The following CSRP3 variants were observed in gnomAD, a reference collection of about 807,000 sequenced individuals.
The protein encoded by CSRP3 is cysteine and glycine rich protein 3, also known as cysteine and glycine-rich protein 3.
CSRP3 carries 24 observed loss-of-function variants against 24.3 expected under a neutral mutation model. The observed-to-expected ratio is 0.99, with a 90% CI of 0.71 to 1.39. CSRP3 has a LOEUF of 1.39. Ranked by LOEUF, CSRP3 falls within the 40% of genes most tolerant of loss-of-function variation. The pLI, the probability that CSRP3 is intolerant of heterozygous loss-of-function variation, is 0.00. For synonymous variants in CSRP3, 105 were observed against 94.0 expected (o/e 1.12, Z -0.68); for missense variants, 240 against 249.0 (o/e 0.96, Z 0.24).
intron 1 of CSRP3, chr11:19,196,878 C>T (rs1041557233): frequency 1.3e-5 from 2 of 152,240 alleles, no homozygotes; most frequent in African/African-American, 4.8e-5. Flanking sequence ...GTGACATCAA[C>T]TTGGAAGAGG....
At chr11:19,188,672 A>G (rs1324686720) in intron 2 of CSRP3, among the ~76,000 whole-genome samples, 1 of 146,812 alleles carries the variant, frequency 6.8e-6, no homozygotes, top group Non-Finnish European at 1.5e-5. Context: ...GCGCGTTGGC[A>G]GGGGGTGGGT....
intron 1 of CSRP3, among the ~76,000 whole-genome samples, chr11:19,198,920 T>A (rs1437426229): frequency 6.6e-6 from 1 of 152,232 alleles, no homozygotes; most frequent in Non-Finnish European, 1.5e-5. Flanking sequence ...AATTACTTAA[T>A]ACATAGCAGG....
chr11:19,198,250 C>T (rs141174570), intron 1 of CSRP3, among the ~76,000 whole-genome samples: 1,631 of 152,296 alleles, frequency 0.011, 34 homozygotes, highest in African/African-American at 0.037. Context: ...TTTAACCCCC[C>T]GTTAAGCTGG....
At chr11:19,186,040 G>T (rs962910164) in intron 4 of CSRP3, among the ~76,000 whole-genome samples, 176 bp downstream of exon 4, 27 of 152,172 alleles carry the variant, frequency 1.8e-4, no homozygotes, top group Non-Finnish European at 7.3e-5. Flanking sequence ...AAAGGGCAAT[G>T]CTAGATGACA....
In CSRP3 at chr11:19,182,706, A is replaced by T; in HGVS notation, c.549T>A (p.Phe183Leu). The T allele has an allele frequency of 6.2e-7, 1 of 1,614,188 alleles. No homozygotes were observed. Among genetic ancestry groups the T allele is most frequent in the Non-Finnish European group, 8.5e-7 (1 of 1,180,034 alleles). Residue 183 changes from phenylalanine to leucine, a missense_variant, in exon 6 of 6, where the codon TTT becomes TTA. Coordinates refer to ENST00000265968, the MANE Select transcript of CSRP3 (RefSeq NM_003476.5). ...AKNFGPTGIG[F>L]GGLTQQVEKK... ...TTTCCACTTGTTGTGTAAGGCCTCC[A>T]AACCCAATACCCGTGGGGCCAAAAT...
At chr11:19,186,391 G>A (rs1270152943) in intron 3 of CSRP3, 43 bp from the exon 4 acceptor site, 5 of 1,613,618 alleles carry the variant, frequency 3.1e-6, no homozygotes, top group Non-Finnish European at 4.2e-6. Flanking sequence ...ATTTCCCTTG[G>A]CAAAGAGTAG....
intron 2 of CSRP3, among the ~76,000 whole-genome samples, chr11:19,189,783 T>C (rs764748488): frequency 2.4e-4 from 36 of 152,170 alleles, no homozygotes; most frequent in Non-Finnish European, 4.7e-4. Flanking sequence ...TTTAAATCAG[T>C]AAATAAAATA....
At chr11:19,199,646 T>A (rs142771857) in intron 1 of CSRP3, among the ~76,000 whole-genome samples, 1 of 152,260 alleles carries the variant, frequency 6.6e-6, no homozygotes, top group African/African-American at 2.4e-5. Flanking sequence ...GAAAAATGAG[T>A]TTTGCATAAC....
intron 2 of CSRP3, among the ~76,000 whole-genome samples, chr11:19,189,753 AT>A (rs1432455810): frequency 6.6e-6 from 1 of 152,260 alleles, no homozygotes; most frequent in African/African-American, 2.4e-5. Context: ...GTGTTAAAAA[AT>A]ATCTGTACCA....
Position 19,188,220 on chromosome 11 carries a change from T to C in CSRP3, c.197A>G (p.Tyr66Cys), listed in dbSNP as rs397516854. ...TCCATACCCGATCCCTTTGGGGCCA[T>C]ATCTGCGCCCATAGCACACCTTGCA... is the stretch of plus-strand genomic sequence containing the variant. ...IYCKVCYGRR[Y>C]GPKGIGYGQG... The change falls in exon 3 of 6, where the codon TAT becomes TGT. Residue 66 changes from tyrosine to cysteine, a missense_variant. Transcript: ENST00000265968. The C allele has an allele frequency of 3.1e-6, 5 of 1,613,686 alleles. No homozygotes were observed. Among genetic ancestry groups the C allele is most frequent in the Middle Eastern group, 3.5e-4 (2 of 5,668 alleles).
At chr11:19,184,823 A>T (rs1368377316) in intron 5 of CSRP3, 129 bp downstream of exon 5, 1 of 770,356 alleles carries the variant, frequency 1.3e-6, no homozygotes, top group African/African-American at 1.7e-5. Context: ...TGAGAACCCA[A>T]CGCTGCCCAG....
At position 19,191,481 on chromosome 11, in the gene CSRP3, T is replaced by C. The variant is rs918598693; in HGVS notation, c.112+856A>G. Among the ~76,000 whole-genome samples, 5 of 152,228 alleles carry C rather than the reference T, an allele frequency of 3.3e-5. No homozygotes were observed. In the South Asian group the frequency reaches 6.2e-4, roughly 19 times the overall value. ...CCTGGACAGAAGCAGAGAAGATAAG[T>C]GGCCATTTTAAAACCAAGGCCAATT... On this transcript the variant is annotated intron_variant, in intron 2 of 5. Coordinates refer to ENST00000265968, the MANE Select transcript of CSRP3 (RefSeq NM_003476.5).
chr11:19,192,024 T>C (rs1850623936), intron 2 of CSRP3, among the ~76,000 whole-genome samples: 1 of 152,150 alleles, frequency 6.6e-6, no homozygotes, highest in African/African-American at 2.4e-5. Context: ...TCACATGTTG[T>C]CAATGTCGCC....
intron 2 of CSRP3, 69 bp downstream of exon 2, chr11:19,192,268 G>T: frequency 1.9e-6 from 2 of 1,036,856 alleles, no homozygotes; most frequent in East Asian, 2.4e-5. Context: ...TACAGTGTTT[G>T]TGATTCAATG....
At chr11:19,189,326 A>G (rs1360721820) in intron 2 of CSRP3, among the ~76,000 whole-genome samples, 1 of 152,198 alleles carries the variant, frequency 6.6e-6, no homozygotes, top group Non-Finnish European at 1.5e-5. Flanking sequence ...AGAAGGACCT[A>G]TTAGCATAGC....
rs768767452 is a variant in CSRP3, at chr11:19,188,189, G to A, written c.228C>T (p.Gly76=). Residue 76 remains glycine, a synonymous_variant, in exon 3 of 6, where the codon GGC becomes GGT. Transcript: ENST00000265968. ...CCGTGTCTGTGCTGAGACAGCCAGC[G>A]CCTTGTCCATACCCGATCCCTTTGG... ...YGPKGIGYGQ[G]AGCLSTDTGE... is the part of the protein sequence containing the mutation. 22 of 1,613,874 alleles carry A rather than the reference G, an allele frequency of 1.4e-5. No individual in the cohort carries two copies. Among genetic ancestry groups the A allele is most frequent in the Non-Finnish European group, 1.6e-5 (19 of 1,180,036 alleles).
chr11:19,192,565 C>T, intron 1 of CSRP3, 89 bp from the exon 2 acceptor site: 1 of 803,626 alleles, frequency 1.2e-6, no homozygotes, highest in Non-Finnish European at 2.1e-6. Flanking sequence ...AGACCAGGAT[C>T]CAGCCCAATT....
Position 19,182,559 on chromosome 11 carries a change from C to T in CSRP3, c.*111G>A. 1.3e-5 allele frequency: 12 copies of T among 930,522 alleles called. No individual in the cohort carries two copies. The highest frequency in any genetic ancestry group is 2.2e-5 in the Non-Finnish European group (12 of 556,332). The allele number at this position is 930,522 out of a possible 1,614,324, so 57.6% of individuals were successfully genotyped here. ...ACCTGATCACTTCTGAGGAGAAACACATAATGTACGACTACAAAGGAGAGG... is the reference window on the plus strand; with the variant it reads ...ACCTGATCACTTCTGAGGAGAAACATATAATGTACGACTACAAAGGAGAGG... On this transcript the variant is annotated 3_prime_UTR_variant, in exon 6 of 6. Transcript: ENST00000265968.
intron 1 of CSRP3, among the ~76,000 whole-genome samples, chr11:19,194,829 T>A (rs1850671417): frequency 6.6e-6 from 1 of 152,214 alleles, no homozygotes; most frequent in African/African-American, 2.4e-5. Context: ...CGTTCATTCA[T>A]TCATTCACCC....
Sources: allele counts gnomAD v4.1 joint callset (sites outside exome capture counted in the v4.1 genomes callset), GRCh38; gene constraint gnomAD v4.1.1; transcripts MANE v1.5; gene names NCBI Gene and HGNC (gene_info 2026-07-23, HGNC 2026-07-21).